The following TBL1XR1 variants were observed in gnomAD, a reference collection of about 807,000 sequenced individuals.
TBL1XR1 encodes F-box-like/WD repeat-containing protein TBL1XR1.
In TBL1XR1, 5 loss-of-function variants were observed where a neutral mutation model predicts 66.9. The observed-to-expected ratio is 0.07, with a 90% confidence interval of 0.04 to 0.16. The LOEUF is 0.16. Ranked by LOEUF, TBL1XR1 falls within the 10% of genes least tolerant of loss-of-function variation. TBL1XR1 has a pLI of 1.00. For missense variants in TBL1XR1, 238 were observed against 623.2 expected (o/e 0.38, Z 6.58); for synonymous variants, 210 against 206.0 (o/e 1.02, Z -0.17).
At chr3:177,089,079 C>G (rs1015625072) in intron 2 of TBL1XR1, among the ~76,000 whole-genome samples, 1 of 152,182 alleles carries the variant, frequency 6.6e-6, no homozygotes, top group East Asian at 1.9e-4. Flanking sequence ...TTCAGTCTGG[C>G]AAGTCATAAC....
At chr3:177,061,117 T>C (rs1718464130) in intron 3 of TBL1XR1, among the ~76,000 whole-genome samples, 1 of 152,186 alleles carries the variant, frequency 6.6e-6, no homozygotes, top group Non-Finnish European at 1.5e-5. Context: ...CTACAATAAA[T>C]ATATTTTTCT....
At chr3:177,029,115 C>T (rs1407514717) in intron 14 of TBL1XR1, among the ~76,000 whole-genome samples, 1 of 149,618 alleles carries the variant, frequency 6.7e-6, no homozygotes, top group Non-Finnish European at 1.5e-5. Flanking sequence ...ATGTATTAAG[C>T]TATGAAAAAA....
At chr3:177,101,501 A>G (rs1008760803) in intron 1 of TBL1XR1, among the ~76,000 whole-genome samples, 1 of 152,226 alleles carries the variant, frequency 6.6e-6, no homozygotes, top group Non-Finnish European at 1.5e-5. Context: ...AATTAGTATT[A>G]AGATAAAGTC....
At chr3:177,062,047 T>C (rs933758093) in intron 3 of TBL1XR1, among the ~76,000 whole-genome samples, 2 of 152,228 alleles carry the variant, frequency 1.3e-5, no homozygotes, top group Non-Finnish European at 2.9e-5. Context: ...CTCTCTTCCA[T>C]ATCCTATTTC....
rs532584602 is a variant in TBL1XR1, at chr3:177,105,826, C to A, written c.-121-7285G>T. Among the ~76,000 whole-genome samples the A allele has an allele frequency of 3.9e-5, 6 of 151,956 alleles. No individual in the cohort carries two copies. In the South Asian group the frequency reaches 1.0e-3, roughly 26 times the overall value. ...TGCATGTGTGTGATTCCAATGGGGA[C>A]TGAGAACCACTGGGTGGGGGTGGGA... On this transcript the variant is annotated intron_variant, in intron 1 of 15. Transcript: ENST00000457928.
At chr3:177,189,664 A>AAAAAAAAAATTTC (rs57549428) in intron 1 of TBL1XR1, among the ~76,000 whole-genome samples, 1 of 141,880 alleles carries the variant, frequency 7.0e-6, no homozygotes, top group African/African-American at 2.7e-5. Flanking sequence ...AAAAAAAAAA[A>AAAAAAAAAATTTC]AGAAGGATGT....
At chr3:177,144,227 C>T (rs1338061640) in intron 1 of TBL1XR1, among the ~76,000 whole-genome samples, 1 of 151,768 alleles carries the variant, frequency 6.6e-6, no homozygotes, top group African/African-American at 2.4e-5. Flanking sequence ...GCCTGGGAAA[C>T]AAGAGCAAAA....
chr3:177,027,924 T>G (rs1713386715), intron 14 of TBL1XR1: 1 of 152,112 alleles, frequency 6.6e-6, no homozygotes, highest in South Asian at 2.1e-4. Flanking sequence ...TTTGCTGAGA[T>G]ATAAAAAATA....
intron 1 of TBL1XR1, among the ~76,000 whole-genome samples, chr3:177,167,165 A>C (rs1475918748): frequency 6.6e-6 from 1 of 152,234 alleles, no homozygotes; most frequent in Non-Finnish European, 1.5e-5. Flanking sequence ...TTCTACACTA[A>C]AAAGAAATGA....
At chr3:177,069,804 G>GGAAGGAAC (rs1719704591) in intron 2 of TBL1XR1, among the ~76,000 whole-genome samples, 1 of 105,552 alleles carries the variant, frequency 9.5e-6, no homozygotes, top group East Asian at 3.0e-4. Flanking sequence ...AAGGAAGGAA[G>GGAAGGAAC]GAAGGAAGGA....
chr3:177,099,069 A>G (rs1446468675), intron 1 of TBL1XR1, among the ~76,000 whole-genome samples: 3 of 152,184 alleles, frequency 2.0e-5, no homozygotes, highest in Non-Finnish European at 4.4e-5. Context: ...GTGTAAATAT[A>G]AAAGTTAAAC....
chr3:177,073,588 TTTC>T (rs1720316410), intron 2 of TBL1XR1, among the ~76,000 whole-genome samples: 1 of 152,190 alleles, frequency 6.6e-6, no homozygotes, highest in African/African-American at 2.4e-5. Flanking sequence ...AAATTTAGTT[TTTC>T]TATCATGCAT....
At chr3:177,172,326 A>T (rs1733628168) in intron 1 of TBL1XR1, among the ~76,000 whole-genome samples, 1 of 151,940 alleles carries the variant, frequency 6.6e-6, no homozygotes, top group Non-Finnish European at 1.5e-5. Flanking sequence ...ACAAGTCCAC[A>T]CTGACATAAG....
chr3:177,198,848 G>A (rs1220032371), upstream of TBL1XR1, among the ~76,000 whole-genome samples: 1 of 149,170 alleles, frequency 6.7e-6, no homozygotes, highest in Non-Finnish European at 1.5e-5. Context: ...CTCAATATCA[G>A]AAACCTGAAG....
intron 1 of TBL1XR1, among the ~76,000 whole-genome samples, chr3:177,142,610 C>T (rs1296572146): frequency 6.6e-6 from 1 of 152,174 alleles, no homozygotes; most frequent in Non-Finnish European, 1.5e-5. Context: ...TAGGAATTTA[C>T]TTAACACTAT....
chr3:177,092,053 A>G (rs759899176), intron 2 of TBL1XR1, among the ~76,000 whole-genome samples: 4 of 152,180 alleles, frequency 2.6e-5, no homozygotes, highest in South Asian at 2.1e-4. Flanking sequence ...ATCTAAAACG[A>G]TTGGGACTAC....
rs538855501 is a variant in TBL1XR1 at position 177,101,000 on chromosome 3, C to T, written c.-121-2459G>A. ...CCTCCCGAGTAACTGGGACTACCGG[C>T]ACGCGCCACTACACCTGGCTAATTC... On this transcript the variant is annotated intron_variant, in intron 1 of 15. Coordinates refer to ENST00000457928, the MANE Select transcript of TBL1XR1 (RefSeq NM_024665.7). Among the ~76,000 whole-genome samples the T allele has an allele frequency of 7.2e-5, 11 of 152,218 alleles. No individual in the cohort carries two copies. The South Asian group carries it at 1.5e-3, about 20-fold the overall frequency.
At chr3:177,197,574 C>T (rs1239729478), upstream of TBL1XR1, among the ~76,000 whole-genome samples, 1 of 140,042 alleles carries the variant, frequency 7.1e-6, no homozygotes, top group Non-Finnish European at 1.6e-5. Context: ...GCGGCGGCGG[C>T]GGCGGCGGCG....
chr3:177,143,792 TAACA>T lies in TBL1XR1; in HGVS notation c.-121-45255_-121-45252del, dbSNP rs567213895. Among the ~76,000 whole-genome samples, 122 of 152,342 alleles carry T rather than the reference TAACA, an allele frequency of 8.0e-4. No individual in the cohort carries two copies. In the South Asian group the frequency reaches 0.023, roughly 29 times the overall value. Reference sequence around the variant, plus strand: ...GGTCTCTGATAGTTCATTCAGGCTCTAACAGAATTAAATTATCAACTGTGGTCAT... The same window carrying T: ...GGTCTCTGATAGTTCATTCAGGCTCTGAATTAAATTATCAACTGTGGTCAT... On this transcript the variant is annotated intron_variant, in intron 1 of 15. Transcript: ENST00000457928.
Sources: gnomAD v4.1 joint callset for allele counts (sites outside exome capture counted in the v4.1 genomes callset) on GRCh38, gnomAD v4.1.1 for gene constraint, MANE v1.5 for transcripts, NCBI Gene and HGNC (gene_info 2026-07-23, HGNC 2026-07-21) for gene names.